Variants in NSUN4 observed in about 807,000 individuals in gnomAD.
NSUN4 encodes the protein NOP2/Sun RNA methyltransferase 4, also known as 5-cytosine rRNA methyltransferase NSUN4.
A neutral mutation model predicts 43.8 loss-of-function variants in NSUN4; 31 were observed. The observed-to-expected ratio is 0.71, with a 90% CI of 0.53 to 0.96. The LOEUF is 0.96. NSUN4 is among the 40% of genes least tolerant of loss of function. NSUN4 has a pLI of 0.00. For synonymous variants in NSUN4, 167 were observed against 184.1 expected (o/e 0.91, Z 0.75); for missense variants, 439 against 475.6 (o/e 0.92, Z 0.72).
At chr1:46,354,952 T>G (rs377139601) in intron 4 of NSUN4, among the ~76,000 whole-genome samples, 7 of 152,340 alleles carry the variant, frequency 4.6e-5, no homozygotes, top group South Asian at 2.1e-4. Context: ...ATTATAGGCG[T>G]GAGCCACTGC....
rs774379520 is a variant in NSUN4 at position 46,353,019 on chromosome 1, C to T, written c.744C>T (p.Thr248=). The T allele has an allele frequency of 5.0e-6, 8 of 1,613,928 alleles. No homozygotes were observed. Among genetic ancestry groups the T allele is most frequent in the Non-Finnish European group, 6.8e-6 (8 of 1,179,978 alleles). Residue 248 remains threonine, a synonymous_variant, in exon 4 of 6, where the codon ACC becomes ACT. Coordinates refer to ENST00000474844, the MANE Select transcript of NSUN4 (RefSeq NM_199044.4). ...AATGGGGAGAACTGGAGGGGGACAC[C>T]TATGACCGGGTGAGTGATTCTTGAT... ...GRKWGELEGD[T]YDRVLVDVPC... is the part of the protein sequence containing the mutation.
At chr1:46,344,249 A>C (rs439283) in intron 1 of NSUN4, 156,545 of 158,364 alleles carry the variant, frequency 0.99, 77,376 homozygotes, top group East Asian at 1. Context: ...TGACCCTCAA[A>C]CCTCTGATTC....
At chr1:46,342,758 G>A in intron 1 of NSUN4, 1 of 393,570 alleles carries the variant, frequency 2.5e-6, no homozygotes, top group East Asian at 3.6e-5. Flanking sequence ...CCCAACCGAA[G>A]TCCCCTAAGT....
chr1:46,361,204 G>A (rs1245945451), intron 5 of NSUN4, among the ~76,000 whole-genome samples: 1 of 152,128 alleles, frequency 6.6e-6, no homozygotes, highest in Non-Finnish European at 1.5e-5. Context: ...ATATACTAGA[G>A]TGGGCTGCAC....
chr1:46,373,689 T>C, the NSUN4 span, among the ~76,000 whole-genome samples: 2 of 152,332 alleles, frequency 1.3e-5, no homozygotes, highest in African/African-American at 4.8e-5. Flanking sequence ...TGATAACCCA[T>C]GAATCCATTA....
chr1:46,368,231 C>T (rs1415140109), downstream of NSUN4, among the ~76,000 whole-genome samples: 1 of 152,172 alleles, frequency 6.6e-6, no homozygotes, highest in Non-Finnish European at 1.5e-5. Flanking sequence ...CCCATCCTCT[C>T]ATGCCACCCC....
chr1:46,360,589 G>A, intron 4 of NSUN4, 115 bp from the exon 5 acceptor site: 1 of 1,021,436 alleles, frequency 9.8e-7, no homozygotes, highest in South Asian at 1.7e-5. Flanking sequence ...TGCAAAGGAG[G>A]GATGGGCAGA....
chr1:46,349,148 T>TTTGC (rs200798362), intron 3 of NSUN4, among the ~76,000 whole-genome samples: 1 of 147,020 alleles, frequency 6.8e-6, no homozygotes, highest in African/African-American at 2.6e-5. Context: ...TTTTTTGTTT[T>TTTGC]TTTTTTTTTG....
the NSUN4 span, among the ~76,000 whole-genome samples, chr1:46,380,964 G>A: frequency 6.6e-6 from 1 of 152,186 alleles, no homozygotes; most frequent in African/African-American, 2.4e-5. Flanking sequence ...TAGTACCAGA[G>A]TATTTGCTGT....
chr1:46,351,494 A>G (rs1176976510), intron 3 of NSUN4, among the ~76,000 whole-genome samples: 2 of 152,066 alleles, frequency 1.3e-5, no homozygotes, highest in Non-Finnish European at 2.9e-5. Context: ...AGAGAGCCAT[A>G]GGTTTCCAGA....
chr1:46,369,195 T>C (rs768518279), downstream of NSUN4, among the ~76,000 whole-genome samples: 31 of 152,220 alleles, frequency 2.0e-4, 1 homozygote, highest in Admixed American at 1.3e-3. Context: ...ACCTTCTCTA[T>C]AATACAATGA....
chr1:46,364,632 A>G lies in NSUN4; in HGVS notation c.*2786A>G, dbSNP rs533139495. On this transcript the variant is annotated 3_prime_UTR_variant, in exon 6 of 6. Coordinates refer to ENST00000474844, the MANE Select transcript of NSUN4 (RefSeq NM_199044.4). ...GGTTTCAGTGAGCCAAGATAGCGCC[A>G]TTGCACTCCAGCGTGGGCGACAGCA... is the stretch of plus-strand genomic sequence containing the variant. The G allele has an allele frequency of 6.6e-6, 1 of 152,242 alleles. No homozygotes were observed. Among genetic ancestry groups the G allele is most frequent in the Non-Finnish European group, 1.5e-5 (1 of 68,074 alleles). The allele number at this position is 152,242 out of a possible 1,614,324, so 9.4% of individuals were successfully genotyped here.
intron 3 of NSUN4, among the ~76,000 whole-genome samples, chr1:46,349,351 A>G (rs566241909): frequency 1.3e-5 from 2 of 151,938 alleles, no homozygotes; most frequent in Non-Finnish European, 2.9e-5. Context: ...CGTGTTAGCC[A>G]GGATGGTCTT....
At chr1:46,343,420 A>C (rs1165453680) in intron 1 of NSUN4, 1 of 399,502 alleles carries the variant, frequency 2.5e-6, no homozygotes, top group Admixed American at 4.4e-5. Flanking sequence ...CCTTGCAAAG[A>C]GCCTCTGCAG....
chr1:46,366,303 G>A (rs550650799), downstream of NSUN4, among the ~76,000 whole-genome samples: 6 of 152,218 alleles, frequency 3.9e-5, no homozygotes, highest in South Asian at 1.2e-3. Flanking sequence ...AGGAAAGAAT[G>A]GTTCTCACTA....
the NSUN4 span, among the ~76,000 whole-genome samples, chr1:46,380,838 A>G: frequency 6.6e-6 from 1 of 152,194 alleles, no homozygotes; most frequent in African/African-American, 2.4e-5. Context: ...TTTTCTAATA[A>G]TAAGTAATAA....
downstream of NSUN4, among the ~76,000 whole-genome samples, chr1:46,366,733 G>A (rs1275269405): frequency 1.4e-5 from 2 of 143,554 alleles, no homozygotes; most frequent in Admixed American, 6.9e-5. Flanking sequence ...AAAAAAAGTG[G>A]GTAGAGAACC....
chr1:46,371,802 A>G, the NSUN4 span, among the ~76,000 whole-genome samples: 8 of 152,080 alleles, frequency 5.3e-5, no homozygotes, highest in Admixed American at 2.0e-4. Context: ...CAAAAGCAGG[A>G]GCAAGCAAGT....
intron 4 of NSUN4, among the ~76,000 whole-genome samples, chr1:46,359,578 T>G (rs1663661167): frequency 8.0e-6 from 1 of 125,096 alleles, no homozygotes. Context: ...TGAGATGGCG[T>G]CTTGCTCTGG....
Sources: gnomAD v4.1 joint callset for allele counts (sites outside exome capture counted in the v4.1 genomes callset) on GRCh38, gnomAD v4.1.1 for gene constraint, MANE v1.5 for transcripts, NCBI Gene and HGNC (gene_info 2026-07-23, HGNC 2026-07-21) for gene names.